Variants in SLC13A4 observed in about 807,000 individuals in gnomAD.
The protein encoded by SLC13A4 is Na(+)/sulfate cotransporter SUT-1.
Under a neutral mutation model 72.7 loss-of-function variants are expected in SLC13A4, and 28 were observed. The observed-to-expected ratio is 0.39, with a 90% CI of 0.29 to 0.53. The LOEUF (loss-of-function observed/expected upper bound fraction) is 0.53. Among genes scored for constraint, SLC13A4 ranks in the 20% least tolerant of loss-of-function variants. The pLI, the probability that SLC13A4 is intolerant of heterozygous loss-of-function variation, is 0.78. For synonymous variants in SLC13A4, 312 were observed against 325.5 expected (o/e 0.96, Z 0.45); for missense variants, 653 against 788.0 (o/e 0.83, Z 2.05).
intron 13 of SLC13A4, among the ~76,000 whole-genome samples, chr7:135,690,604 G>A (rs1236408583): frequency 2.6e-5 from 4 of 152,136 alleles, no homozygotes; most frequent in Non-Finnish European, 4.4e-5. Flanking sequence ...GGAGATGGCT[G>A]CAAACTCCAA....
Position 135,681,266 on chromosome 7 carries a change from A to T in SLC13A4, c.*297T>A, listed in dbSNP as rs1795491435. ...CTTTGTCTTCTTTTTTTTTAATTTA[A>T]TTTTTATTTTCTTTTTCTTTTTCTG... On this transcript the variant is annotated 3_prime_UTR_variant, in exon 16 of 16. Coordinates refer to ENST00000682651, the MANE Select transcript of SLC13A4 (RefSeq NM_001318192.2). The T allele has an allele frequency of 3.8e-6, 1 of 266,424 alleles. No homozygotes were observed. Among genetic ancestry groups the T allele is most frequent in the East Asian group, 6.6e-5 (1 of 15,248 alleles). 16.5% of individuals were successfully genotyped at this position (266,424 alleles called of 1,614,324 possible). A position where few individuals can be genotyped will look rare whatever the true frequency, so the allele number is the denominator to read the frequency against.
rs1180167168 is a variant in SLC13A4 at position 135,691,183 on chromosome 7, AC to A, written c.1446+17del. The A allele has an allele frequency of 1.3e-6, 2 of 1,575,712 alleles. No homozygotes were observed. Among genetic ancestry groups the A allele is most frequent in the South Asian group, 1.2e-5 (1 of 84,922 alleles). On this transcript the variant is annotated intron_variant, in intron 13 of 15. Coordinates refer to ENST00000682651, the MANE Select transcript of SLC13A4 (RefSeq NM_001318192.2). ...TCTCAAAAAAAAAAACCCCAAAAAA[AC>A]AGAATTCAAGAATTACCTTGCTACC...
Position 135,727,359 on chromosome 7 carries a change from T to A in SLC13A4, c.99+39A>T, listed in dbSNP as rs944297764. 1.6e-5 allele frequency: 24 copies of A among 1,541,144 alleles called. No homozygotes were observed. In the African/African-American group the frequency reaches 3.0e-4, roughly 19 times the overall value. The stretch of plus-strand genomic sequence containing the variant: ...CGACCTCCCCTCTTTGCCCTCCCAC[T>A]GACTCCCAGACCCCCGGTGGGCGCA... On this transcript the variant is annotated intron_variant, in intron 1 of 15. Transcript: ENST00000682651.
At chr7:135,707,684 G>A (rs547564938) in intron 3 of SLC13A4, 1 of 158,162 alleles carries the variant, frequency 6.3e-6, no homozygotes, top group East Asian at 1.8e-4. Flanking sequence ...TGGGTCTGTG[G>A]TCTGAACTGA....
intron 14 of SLC13A4, among the ~76,000 whole-genome samples, chr7:135,684,536 C>T (rs1160816720): frequency 6.6e-6 from 1 of 151,946 alleles, no homozygotes; most frequent in Non-Finnish European, 1.5e-5. Context: ...GAATTGGTTC[C>T]TAAACTTTAT....
At chr7:135,683,428 G>GA in intron 15 of SLC13A4, 1 of 982,840 alleles carries the variant, frequency 1.0e-6, no homozygotes, top group Non-Finnish European at 1.2e-6. Context: ...TGGCTCCCAT[G>GA]AAAAAAAATT....
intron 7 of SLC13A4, among the ~76,000 whole-genome samples, chr7:135,700,552 G>A (rs1464347011): frequency 1.3e-5 from 2 of 152,202 alleles, no homozygotes; most frequent in Non-Finnish European, 2.9e-5. Flanking sequence ...AACAGAGCTG[G>A]AAGAGACCTC....
Position 135,708,133 on chromosome 7 carries a change from C to A in SLC13A4, c.346G>T (p.Ala116Ser). 1 of 1,613,514 alleles carries A rather than the reference C, an allele frequency of 6.2e-7. No homozygotes were observed. Among genetic ancestry groups the A allele is most frequent in the Non-Finnish European group, 8.5e-7 (1 of 1,179,486 alleles). ...KRIALRMVLM[A>S]GAKPGMLLLC... ...ACTTACATGCCCGGCTTGGCTCCGG[C>A]CATCAAGACCATGCGCAGAGCAATG... is the stretch of plus-strand genomic sequence containing the variant. The change falls in exon 3 of 16, where the codon GCC (alanine) becomes TCC (serine). Residue 116 changes from alanine to serine, a missense_variant. Physicochemically the swap from Ala to Ser is moderately conservative, Grantham distance 99. Transcript: ENST00000682651.
chr7:135,695,555 T>C, intron 8 of SLC13A4, 68 bp from the exon 9 acceptor site: 2 of 1,532,270 alleles, frequency 1.3e-6, no homozygotes, highest in African/African-American at 1.4e-5. Context: ...TGGGGTAGTA[T>C]GCCAAATGCT....
At chr7:135,717,451 T>C (rs756140551) in intron 2 of SLC13A4, among the ~76,000 whole-genome samples, 5 of 152,048 alleles carry the variant, frequency 3.3e-5, no homozygotes, top group Non-Finnish European at 2.9e-5. Context: ...TCTTGAGGAG[T>C]TGTATAAATC....
intron 2 of SLC13A4, among the ~76,000 whole-genome samples, chr7:135,719,813 G>GTGTGTATGTGTGTA (rs1563171335): frequency 1.4e-5 from 2 of 146,538 alleles, no homozygotes; most frequent in African/African-American, 5.4e-5. Context: ...ATGTGTGTGT[G>GTGTGTATGTGTGTA]TGTGTGTGTG....
intron 6 of SLC13A4, chr7:135,702,092 C>G (rs996027920): frequency 1.6e-5 from 3 of 183,930 alleles, no homozygotes; most frequent in Non-Finnish European, 3.3e-5. Context: ...AAAATAATCA[C>G]AAGCAAGTCC....
rs1796071434 is a variant in SLC13A4 at position 135,702,860 on chromosome 7, A to G, written c.618T>C (p.Thr206=). The part of the protein sequence containing the change: ...NEDRSNADLT[T]LMHNENLNGV... ...AAGGCCATACCTCGTTGTGCATCAG[A>G]GTGGTGAGGTCTGCGTTGGACCTGC... is the stretch of plus-strand genomic sequence containing the variant. Residue 206 remains threonine (T), a synonymous_variant, in exon 6 of 16, where the codon ACT becomes ACC. Transcript: ENST00000682651. 6.2e-7 allele frequency: 1 copy of G among 1,613,920 alleles called. No homozygotes were observed. The highest frequency in any genetic ancestry group is 8.5e-7 in the Non-Finnish European group (1 of 1,179,836).
At chr7:135,703,136 ACAG>A (rs1386744941) in intron 5 of SLC13A4, 5 of 532,196 alleles carry the variant, frequency 9.4e-6, no homozygotes, top group African/African-American at 7.6e-5. Flanking sequence ...AATCGTCCTA[ACAG>A]CAGATGTGGA....
rs927266787 is a variant in SLC13A4, at chr7:135,706,176, C to T, written c.490G>A (p.Glu164Lys). The T allele has an allele frequency of 3.3e-5, 53 of 1,610,882 alleles. No individual in the cohort carries two copies. Among genetic ancestry groups the T allele is most frequent in the African/African-American group, 2.3e-4 (17 of 74,890 alleles). The change falls in exon 4 of 16, where the codon GAG becomes AAG. Residue 164 changes from glutamate (E) to lysine (K), a missense_variant. Transcript: ENST00000682651. The part of the protein sequence containing the change: ...VLQELVSAED[E>K]QLVAGNSNTE... ...TTGGAGTTGCCCGCCACGAGCTGCT[C>T]GTCCTCAGCACTGACCAGCTCCTGC...
intron 15 of SLC13A4, among the ~76,000 whole-genome samples, chr7:135,682,417 C>T (rs543397714): frequency 3.9e-5 from 6 of 152,328 alleles, no homozygotes; most frequent in South Asian, 2.1e-4. Flanking sequence ...GGCATCTTCC[C>T]AAGGAGTAAC....
At chr7:135,710,129 C>G (rs1258604628) in intron 2 of SLC13A4, among the ~76,000 whole-genome samples, 2 of 152,032 alleles carry the variant, frequency 1.3e-5, no homozygotes, top group Non-Finnish European at 2.9e-5. Flanking sequence ...AGTGAGAAAA[C>G]AAGAACATTT....
chr7:135,706,164 C>T lies in SLC13A4; in HGVS notation c.502G>A (p.Ala168Thr), dbSNP rs1200364034. ...LVSAEDEQLVAGNSNTEEAEP... is the reference protein window; with the variant it reads ...LVSAEDEQLVTGNSNTEEAEP... Reference sequence around the variant, plus strand: ...GCCTCTTCGGTGTTGGAGTTGCCCGCCACGAGCTGCTCGTCCTCAGCACTG... The same window carrying T: ...GCCTCTTCGGTGTTGGAGTTGCCCGTCACGAGCTGCTCGTCCTCAGCACTG... The change falls in exon 4 of 16, where the codon GCG becomes ACG. Residue 168 changes from alanine to threonine, a missense_variant. Transcript: ENST00000682651. 4 of 1,608,274 alleles carry T rather than the reference C, an allele frequency of 2.5e-6. No homozygotes were observed. The East Asian group carries it at 6.7e-5, about 27-fold the overall frequency.
chr7:135,720,667 A>G lies in SLC13A4; in HGVS notation c.228+728T>C, dbSNP rs574941110. ...GTGTTACTGAATGAGATCGTCATTC[A>G]TTTGGTCCCAGGTTCTGGCTGTTTT... On this transcript the variant is annotated intron_variant, in intron 2 of 15. Coordinates refer to ENST00000682651, the MANE Select transcript of SLC13A4 (RefSeq NM_001318192.2). Among the ~76,000 whole-genome samples the G allele has an allele frequency of 6.6e-5, 10 of 151,092 alleles. No individual in the cohort carries two copies. In the South Asian group the frequency reaches 2.1e-3, roughly 32 times the overall value.
Sources: gnomAD v4.1 joint callset for allele counts (sites outside exome capture counted in the v4.1 genomes callset) on GRCh38, gnomAD v4.1.1 for gene constraint, MANE v1.5 for transcripts, NCBI Gene and HGNC (gene_info 2026-07-23, HGNC 2026-07-21) for gene names.